PRSS35: variants seen among roughly 807,000 people sequenced by gnomAD.
The protein encoded by PRSS35 is serine protease 35, also known as inactive serine protease 35.
Under a neutral mutation model 8.1 loss-of-function variants are expected in PRSS35, and 7 were observed. The ratio of observed to expected loss-of-function variants is 0.86; its 90% CI spans 0.49 to 1.62. The LOEUF is 1.62. PRSS35 is among the 40% of genes most tolerant of loss of function. PRSS35 has a pLI of 0.00. For synonymous variants in PRSS35, 199 were observed against 188.7 expected, an observed-to-expected ratio of 1.05 and a Z score of -0.45; for missense variants, 566 against 518.0, an observed-to-expected ratio of 1.09 and a Z score of -0.90.
rs201297483 is a variant in PRSS35, at chr6:83,524,572, T to C, written c.1131T>C (p.Asp377=). 3.7e-6 allele frequency: 6 copies of C among 1,614,208 alleles called. No individual in the cohort carries two copies. The African/African-American group carries it at 6.7e-5, about 18-fold the overall frequency. The change falls in exon 2 of 2, where the codon GAT becomes GAC. Residue 377 remains aspartate (D), a synonymous_variant. Transcript: ENST00000369700. Reference sequence around the variant, plus strand: ...TCTACTCAGGGCACCAGTGGGTGGATGTCCACGGGGTTCAGAAGGACTACA... The same window carrying C: ...TCTACTCAGGGCACCAGTGGGTGGACGTCCACGGGGTTCAGAAGGACTACA... ...IAVYSGHQWV[D]VHGVQKDYNV...
chr6:83,523,847 A>G lies in PRSS35; in HGVS notation c.406A>G (p.Lys136Glu). 1 of 1,614,204 alleles carries G rather than the reference A, an allele frequency of 6.2e-7. No individual in the cohort carries two copies. ...GTDSRFSILDKRFLTNFPFST... is the reference protein window; with the variant it reads ...GTDSRFSILDERFLTNFPFST... ...CGACAGCAGGTTCAGCATCTTGGAC[A>G]AAAGGTTCTTAACCAATTTCCCTTT... is the stretch of plus-strand genomic sequence containing the variant. The change falls in exon 2 of 2, where the codon AAA (lysine) becomes GAA (glutamate). Residue 136 changes from lysine to glutamate, a missense_variant. Lys to Glu is a moderately conservative substitution (Grantham distance 56). Coordinates refer to ENST00000369700, the MANE Select transcript of PRSS35 (RefSeq NM_153362.3).
Position 83,516,545 on chromosome 6 carries a change from T to C in PRSS35, c.-21+3851T>C, listed in dbSNP as rs535498889. 4.1e-4 allele frequency among the ~76,000 whole-genome samples: 57 copies of C among 138,558 alleles called. No individual in the cohort carries two copies. In the South Asian group the frequency reaches 0.011, roughly 26 times the overall value. The allele number at this position is 138,558 out of a possible 152,430, so 90.9% of individuals were successfully genotyped here. On this transcript the variant is annotated intron_variant, in intron 1 of 1. Coordinates refer to ENST00000369700, the MANE Select transcript of PRSS35 (RefSeq NM_153362.3). ...GAGCCGAGATCACGCCATTGCACTC[T>C]AGCCTGGGCGACTGAGAGAGACTGC...
chr6:83,519,372 G>A (rs1221024532), intron 1 of PRSS35, among the ~76,000 whole-genome samples: 1 of 152,132 alleles, frequency 6.6e-6, no homozygotes, highest in African/African-American at 2.4e-5. Flanking sequence ...CAAGCCATCT[G>A]GAAATGGACA....
rs1273294047 is a variant in PRSS35, at chr6:83,525,638, C to A, written c.*955C>A. On this transcript the variant is annotated 3_prime_UTR_variant, in exon 2 of 2. Transcript: ENST00000369700. Reference sequence around the variant, plus strand: ...TTGTATGAGGACTATAGGGTGAATTCTCTGATTAGTAATTTTAGATATGTC... The same window carrying A: ...TTGTATGAGGACTATAGGGTGAATTATCTGATTAGTAATTTTAGATATGTC... The A allele has an allele frequency of 1.2e-5, 2 of 166,984 alleles. No individual in the cohort carries two copies. The highest frequency in any genetic ancestry group is 4.8e-5 in the African/African-American group (2 of 41,436). The allele number at this position is 166,984 out of a possible 1,614,324, so 10.3% of individuals were successfully genotyped here. A position where few individuals can be genotyped will look rare whatever the true frequency, so the allele number is the denominator to read the frequency against.
At chr6:83,514,083 A>T (rs1771671235) in intron 1 of PRSS35, among the ~76,000 whole-genome samples, 1 of 152,198 alleles carries the variant, frequency 6.6e-6, no homozygotes, top group Non-Finnish European at 1.5e-5. Context: ...TAACTAAAAA[A>T]CGTTAAGCTT....
At chr6:83,516,698 A>T (rs1469106071) in intron 1 of PRSS35, among the ~76,000 whole-genome samples, 1 of 151,536 alleles carries the variant, frequency 6.6e-6, no homozygotes, top group Non-Finnish European at 1.5e-5. Context: ...CTCCTTCTGG[A>T]AGTTCTAGGA....
At position 83,524,539 on chromosome 6, in the gene PRSS35, C is replaced by A; in HGVS notation, c.1098C>A (p.Ile366=). ...ACAAAAAGAATTGGAAGCGCAAAAT[C>A]ATTGCGGTCTACTCAGGGCACCAGT... is the stretch of plus-strand genomic sequence containing the variant. The part of the protein sequence containing the change: ...DPDKKNWKRK[I]IAVYSGHQWV... Residue 366 remains isoleucine, a synonymous_variant, in exon 2 of 2, where the codon ATC becomes ATA. Transcript: ENST00000369700. 2 of 1,614,172 alleles carry A rather than the reference C, an allele frequency of 1.2e-6. No individual in the cohort carries two copies. The highest frequency in any genetic ancestry group is 2.2e-5 in the East Asian group (1 of 44,878).
chr6:83,525,110 G>C lies in PRSS35; in HGVS notation c.*427G>C, dbSNP rs143660951. On this transcript the variant is annotated 3_prime_UTR_variant, in exon 2 of 2. Transcript: ENST00000369700. ...ATAAAGGTAGATGGTAAAGCAATTA[G>C]TATCAGAATAGAGACAGAAAGTTAC... The C allele has an allele frequency of 2.3e-3, 404 of 176,740 alleles. 1 individual carries two copies. The highest frequency in any genetic ancestry group is 8.6e-3 in the African/African-American group (358 of 41,688). 10.9% of individuals were successfully genotyped at this position (176,740 alleles called of 1,614,324 possible).
chr6:83,521,214 A>G (rs1363567940), intron 1 of PRSS35, among the ~76,000 whole-genome samples: 1 of 151,754 alleles, frequency 6.6e-6, no homozygotes, highest in East Asian at 1.9e-4. Flanking sequence ...TAACTCTTTG[A>G]TTTTCACTTT....
chr6:83,521,080 T>A (rs1052233886), intron 1 of PRSS35, among the ~76,000 whole-genome samples: 2 of 152,190 alleles, frequency 1.3e-5, no homozygotes, highest in African/African-American at 4.8e-5. Context: ...GAAAAAAGTT[T>A]CCCACACCAA....
chr6:83,525,289 T>A lies in PRSS35; in HGVS notation c.*606T>A, dbSNP rs1173116404. 6.0e-6 allele frequency: 1 copy of A among 166,950 alleles called. No homozygotes were observed. The highest frequency in any genetic ancestry group is 1.9e-4 in the East Asian group (1 of 5,210). The allele number at this position is 166,950 out of a possible 1,614,324, so 10.3% of individuals were successfully genotyped here. A position where few individuals can be genotyped will look rare whatever the true frequency, so the allele number is the denominator to read the frequency against. ...AAGCATTATAAACAAAACTAATAACTGTTTTACTGCTTTAAGAAATAACAA... is the reference window on the plus strand; with the variant it reads ...AAGCATTATAAACAAAACTAATAACAGTTTTACTGCTTTAAGAAATAACAA... On this transcript the variant is annotated 3_prime_UTR_variant, in exon 2 of 2. Coordinates refer to ENST00000369700, the MANE Select transcript of PRSS35 (RefSeq NM_153362.3).
chr6:83,516,340 C>T (rs1346063940), intron 1 of PRSS35, among the ~76,000 whole-genome samples: 1 of 151,414 alleles, frequency 6.6e-6, no homozygotes, highest in African/African-American at 2.4e-5. Flanking sequence ...TTTGGGAGGC[C>T]GAGATGGGCG....
In PRSS35 at chr6:83,523,572, A is replaced by C. The variant is rs1246294380; in HGVS notation, c.131A>C (p.His44Pro). The part of the protein sequence containing the change: ...VPRIVSERTF[H>P]LTSPAFEADA... ...CGGATTGTCAGTGAAAGGACTTTCC[A>C]TCTCACCAGCCCCGCATTTGAGGCA... Residue 44 changes from histidine to proline, a missense_variant, in exon 2 of 2, where the codon CAT becomes CCT. Coordinates refer to ENST00000369700, the MANE Select transcript of PRSS35 (RefSeq NM_153362.3). 1 of 1,614,178 alleles carries C rather than the reference A, an allele frequency of 6.2e-7. No individual in the cohort carries two copies. Among genetic ancestry groups the C allele is most frequent in the Non-Finnish European group, 8.5e-7 (1 of 1,180,030 alleles).
chr6:83,517,905 C>T (rs1320027299), intron 1 of PRSS35, among the ~76,000 whole-genome samples: 2 of 152,180 alleles, frequency 1.3e-5, no homozygotes, highest in Admixed American at 1.3e-4. Context: ...TGACCCACAG[C>T]AGCCTCCCAG....
At position 83,523,493 on chromosome 6, in the gene PRSS35, A is replaced by AT; in HGVS notation, c.54dup (p.Asp19Ter). 1 of 1,614,172 alleles carries AT rather than the reference A, an allele frequency of 6.2e-7. No homozygotes were observed. The highest frequency in any genetic ancestry group is 2.2e-5 in the East Asian group (1 of 44,888). ...ATTTTTCACCCCTGGGTGGACCCTCATTGATGGATCTGAAATGGAATGGGA... is the reference window on the plus strand; with the variant it reads ...ATTTTTCACCCCTGGGTGGACCCTCATTTGATGGATCTGAAATGGAATGGGA... On this transcript the variant is annotated frameshift_variant, in exon 2 of 2. Coordinates refer to ENST00000369700, the MANE Select transcript of PRSS35 (RefSeq NM_153362.3). LOFTEE classifies it low-confidence loss of function (END_TRUNC).
intron 1 of PRSS35, among the ~76,000 whole-genome samples, chr6:83,516,425 A>T (rs576942621): frequency 6.6e-6 from 1 of 151,770 alleles, no homozygotes; most frequent in Admixed American, 6.6e-5. Context: ...ATACAAAAAA[A>T]ATTAGCCGGG....
At chr6:83,513,890 C>G (rs915030873) in intron 1 of PRSS35, among the ~76,000 whole-genome samples, 5 of 151,884 alleles carry the variant, frequency 3.3e-5, no homozygotes, top group African/African-American at 1.2e-4. Flanking sequence ...AAATGATTTT[C>G]CTCTGCCCAA....
chr6:83,524,455 CT>C lies in PRSS35; in HGVS notation c.1015del (p.Cys339AlafsTer16). ...AATCCAATGATCTCCTTTACCAATACTGCGATGCTGAGTCGGGCTCCACCGG... is the reference window on the plus strand; with the variant it reads ...AATCCAATGATCTCCTTTACCAATACGCGATGCTGAGTCGGGCTCCACCGG... The part of the protein sequence containing the change: ...DESNDLLYQY[C>X]DAESGSTGSG... On this transcript the variant is annotated frameshift_variant, in exon 2 of 2. Transcript: ENST00000369700. LOFTEE classifies it high-confidence loss of function. 6.2e-7 allele frequency: 1 copy of C among 1,614,102 alleles called. No homozygotes were observed.
intron 1 of PRSS35, among the ~76,000 whole-genome samples, chr6:83,521,453 G>A (rs961802926): frequency 6.6e-6 from 1 of 151,698 alleles, no homozygotes; most frequent in Admixed American, 6.6e-5. Context: ...ATATTGTGAC[G>A]TAAATGCAGA....
Sources: gnomAD v4.1 joint callset for allele counts (sites outside exome capture counted in the v4.1 genomes callset) on GRCh38, gnomAD v4.1.1 for gene constraint, MANE v1.5 for transcripts, NCBI Gene and HGNC (gene_info 2026-07-23, HGNC 2026-07-21) for gene names.